The following NDE1 variants were observed in gnomAD, a reference collection of about 807,000 sequenced individuals.
NDE1 encodes nuclear distribution protein nudE homolog 1.
A neutral mutation model predicts 43.4 loss-of-function variants in NDE1; 28 were observed. The observed-to-expected ratio is 0.65, with a 90% CI of 0.48 to 0.89. The LOEUF is 0.89. Ranked by LOEUF, NDE1 falls within the 40% of genes least tolerant of loss-of-function variation. The pLI is 0.00. For synonymous variants in NDE1, 184 were observed against 172.0 expected (o/e 1.07, Z -0.55); for missense variants, 441 against 434.1 (o/e 1.02, Z -0.14).
intron 8 of NDE1, among the ~76,000 whole-genome samples, chr16:15,699,263 C>CTT (rs35193827): frequency 0.013 from 1,840 of 139,014 alleles, 16 homozygotes; most frequent in East Asian, 0.035. Context: ...CATGCCTGGC[C>CTT]TTTTTTTTTT....
intron 8 of NDE1, chr16:15,701,393 ATTCAT>A (rs1316553924): frequency 6.6e-6 from 1 of 152,178 alleles, no homozygotes; most frequent in Non-Finnish European, 1.5e-5. Flanking sequence ...AACTGCGATC[ATTCAT>A]TTTCCTGAGT....
intron 4 of NDE1, among the ~76,000 whole-genome samples, chr16:15,679,749 G>T (rs539466655): frequency 9.9e-5 from 15 of 152,010 alleles, no homozygotes; most frequent in South Asian, 6.2e-4. Context: ...TGTTTCCCAC[G>T]TGGTGTTTCC....
chr16:15,720,887 T>C (rs2040435747), intron 8 of NDE1: 2 of 1,613,940 alleles, frequency 1.2e-6, no homozygotes, highest in South Asian at 2.2e-5. Context: ...CGTCCCGGGC[T>C]TGGAGATCCC....
Position 15,724,430 on chromosome 16 carries a change from G to T in NDE1, c.*179G>T, listed in dbSNP as rs1239541604. On this transcript the variant is annotated 3_prime_UTR_variant, in exon 9 of 9. Coordinates refer to ENST00000396354, the MANE Select transcript of NDE1 (RefSeq NM_017668.3). The stretch of plus-strand genomic sequence containing the variant: ...GAGAGCTACAAGGACAGCGTCCAGG[G>T]TAGGGTGAGAGGGGGACCATGAGTG... The T allele has an allele frequency of 1.4e-5, 22 of 1,613,390 alleles. No individual in the cohort carries two copies. The highest frequency in any genetic ancestry group is 1.9e-5 in the Non-Finnish European group (22 of 1,180,004).
intron 3 of NDE1, among the ~76,000 whole-genome samples, chr16:15,671,883 G>A (rs925333304): frequency 1.3e-5 from 2 of 151,832 alleles, no homozygotes; most frequent in South Asian, 2.1e-4. Context: ...TTGTAGAGAC[G>A]GGTTCATGTG....
upstream of NDE1, among the ~76,000 whole-genome samples, chr16:15,649,813 G>A (rs1488341379): frequency 3.9e-5 from 6 of 152,214 alleles, no homozygotes; most frequent in African/African-American, 1.4e-4. Flanking sequence ...AAAGGAGTAG[G>A]AAGGGCACGG....
intron 1 of NDE1, among the ~76,000 whole-genome samples, chr16:15,655,350 C>T (rs1388820997): frequency 6.6e-6 from 1 of 152,030 alleles, no homozygotes; most frequent in Admixed American, 6.6e-5. Context: ...ACGGGGTTCA[C>T]CTTGTGCTGG....
chr16:15,670,645 G>A (rs1396383757), intron 3 of NDE1, among the ~76,000 whole-genome samples: 2 of 143,266 alleles, frequency 1.4e-5, no homozygotes, highest in African/African-American at 2.6e-5. Flanking sequence ...CAACAAGAGC[G>A]AAACTCTGTC....
In NDE1 at chr16:15,650,890, C is replaced by G. The variant is rs148886622; in HGVS notation, c.-44+596C>G. ...CAAAAACCCACCCTGCTCCCTCCCT[C>G]CGGGAACACGTTTGGGGCAGTCTGC... is the stretch of plus-strand genomic sequence containing the variant. On this transcript the variant is annotated intron_variant, in intron 1 of 8. Coordinates refer to ENST00000396354, the MANE Select transcript of NDE1 (RefSeq NM_017668.3). Among the ~76,000 whole-genome samples, 291 of 152,320 alleles carry G rather than the reference C, an allele frequency of 1.9e-3. 1 individual carries two copies. The highest frequency in any genetic ancestry group is 2.5e-3 in the South Asian group (12 of 4,824).
intron 6 of NDE1, among the ~76,000 whole-genome samples, chr16:15,691,675 CTG>C (rs1489677496): frequency 1.3e-5 from 2 of 149,280 alleles, no homozygotes; most frequent in Non-Finnish European, 3.0e-5. Context: ...GGATCTCACT[CTG>C]TTGCCCAGGC....
At chr16:15,676,711 C>T (rs907847527) in intron 3 of NDE1, among the ~76,000 whole-genome samples, 2 of 151,528 alleles carry the variant, frequency 1.3e-5, no homozygotes, top group Non-Finnish European at 2.9e-5. Flanking sequence ...TTGCCCAGGC[C>T]GGAGTGCAGT....
intron 8 of NDE1, chr16:15,712,882 G>GTTTTTTTTTCTTTTTTTTTTT (rs2039888662): frequency 1.1e-5 from 1 of 90,636 alleles, no homozygotes; most frequent in African/African-American, 4.5e-5. Context: ...TTCACATACA[G>GTTTTTTTTTCTTTTTTTTTTT]TTTTTTTTTT....
rs1468288108 is a variant in NDE1 at position 15,691,331 on chromosome 16, G to A, written c.703+8G>A. The A allele has an allele frequency of 1.2e-6, 2 of 1,613,896 alleles. No individual in the cohort carries two copies. Among genetic ancestry groups the A allele is most frequent in the Admixed American group, 3.3e-5 (2 of 59,962 alleles). ...CTGGGAGCTTCAGACGTGGTAAGGG[G>A]AGTGGGAATTGCAGGATTTTCTCGG... On this transcript the variant is annotated splice_region_variant and intron_variant, in intron 6 of 8. Transcript: ENST00000396354.
intron 3 of NDE1, among the ~76,000 whole-genome samples, chr16:15,668,599 GT>G (rs1567629085): frequency 6.6e-6 from 1 of 152,190 alleles, no homozygotes; most frequent in Non-Finnish European, 1.5e-5. Context: ...TGTTGCTAGA[GT>G]AATATCATCA....
At chr16:15,708,168 C>T (rs998803362) in intron 8 of NDE1, among the ~76,000 whole-genome samples, 1 of 152,160 alleles carries the variant, frequency 6.6e-6, no homozygotes, top group Non-Finnish European at 1.5e-5. Context: ...GCTGAAAATG[C>T]AGTTTGTAGC....
At position 15,686,902 on chromosome 16, in the gene NDE1, T is replaced by A. The variant is rs1278973974; in HGVS notation, c.387-473T>A. 5 of 870,584 alleles carry A rather than the reference T, an allele frequency of 5.7e-6. No homozygotes were observed. In the Admixed American group the frequency reaches 3.1e-4, roughly 54 times the overall value. The allele number at this position is 870,584 out of a possible 1,614,324, so 53.9% of individuals were successfully genotyped here. A position where few individuals can be genotyped will look rare whatever the true frequency, so the allele number is the denominator to read the frequency against. Reference sequence around the variant, plus strand: ...CAGGATTTTGCCATTTGCCCAAGCTTGCCAGGCTGGTCTTGAACTCCTGAT... The same window carrying A: ...CAGGATTTTGCCATTTGCCCAAGCTAGCCAGGCTGGTCTTGAACTCCTGAT... On this transcript the variant is annotated intron_variant, in intron 4 of 8. Coordinates refer to ENST00000396354, the MANE Select transcript of NDE1 (RefSeq NM_017668.3).
chr16:15,679,884 T>A (rs1320521933), intron 4 of NDE1, among the ~76,000 whole-genome samples: 1 of 152,208 alleles, frequency 6.6e-6, no homozygotes, highest in African/African-American at 2.4e-5. Flanking sequence ...ATTCAAGTGA[T>A]TCTCCTGCCT....
At chr16:15,698,937 T>C (rs1341969808) in intron 8 of NDE1, among the ~76,000 whole-genome samples, 1 of 151,874 alleles carries the variant, frequency 6.6e-6, no homozygotes, top group Non-Finnish European at 1.5e-5. Flanking sequence ...CAGGCTGGAG[T>C]GCAGTGGTGC....
intron 1 of NDE1, among the ~76,000 whole-genome samples, chr16:15,661,180 G>A (rs534955043): frequency 2.1e-5 from 3 of 139,942 alleles, no homozygotes; most frequent in Non-Finnish European, 4.5e-5. Context: ...TTTGAGTCTC[G>A]CTCTGTCACC....
Sources: allele counts gnomAD v4.1 joint callset (sites outside exome capture counted in the v4.1 genomes callset), GRCh38; gene constraint gnomAD v4.1.1; transcripts MANE v1.5; gene names NCBI Gene and HGNC (gene_info 2026-07-23, HGNC 2026-07-21).